The following MAP3K4 variants were observed in gnomAD, a reference collection of about 807,000 sequenced individuals.
The protein encoded by MAP3K4 is MAP three kinase 1.
A neutral mutation model predicts 185.6 loss-of-function variants in MAP3K4; 67 were observed. The observed-to-expected ratio is 0.36, with a 90% CI of 0.30 to 0.44. The LOEUF is 0.44. Ranked by LOEUF, MAP3K4 falls within the 20% of genes least tolerant of loss-of-function variation. The pLI is 1.00. For missense variants in MAP3K4, 1,551 were observed against 1,995.1 expected (o/e 0.78, Z 4.24); for synonymous variants, 702 against 710.4 (o/e 0.99, Z 0.19).
rs1392379680 is a variant in MAP3K4, at chr6:161,070,298, T to C, written c.1708-310T>C. On this transcript the variant is annotated intron_variant, in intron 3 of 26. Coordinates refer to ENST00000392142, the MANE Select transcript of MAP3K4 (RefSeq NM_005922.4). The surrounding 1 kb of genome is among the most constrained non-coding windows in gnomAD (Gnocchi z 4.5). ...TAACCTGAAAAATAAAGTGTTCTGA[T>C]CATTTTAAGTGTGAGGCAAAAATGT... is the stretch of plus-strand genomic sequence containing the variant. 6.6e-6 allele frequency among the ~76,000 whole-genome samples: 1 copy of C among 152,208 alleles called. No individual in the cohort carries two copies. Among genetic ancestry groups the C allele is most frequent in the African/African-American group, 2.4e-5 (1 of 41,450 alleles).
rs1267286772 is a variant in MAP3K4 at position 161,022,463 on chromosome 6, A to G, written c.153-11796A>G. Among the ~76,000 whole-genome samples the G allele has an allele frequency of 6.6e-6, 1 of 152,216 alleles. No individual in the cohort carries two copies. The highest frequency in any genetic ancestry group is 1.5e-5 in the Non-Finnish European group (1 of 68,034). ...GCTTCACCAAAGATGTGAGTCCTAG[A>G]GCGGACCAGAGAACTGGCTCTCTGA... On this transcript the variant is annotated intron_variant, in intron 1 of 26. Coordinates refer to ENST00000392142, the MANE Select transcript of MAP3K4 (RefSeq NM_005922.4). The surrounding 1 kb of genome is among the most constrained non-coding windows in gnomAD (Gnocchi z 4.2).
At chr6:161,025,403 C>T (rs1238813711) in intron 1 of MAP3K4, among the ~76,000 whole-genome samples, 1 of 152,222 alleles carries the variant, frequency 6.6e-6, no homozygotes, top group South Asian at 2.1e-4. Flanking sequence ...TTTGCCTTCC[C>T]TACTCTAGTG....
At position 161,053,886 on chromosome 6, in the gene MAP3K4, G is replaced by A. The variant is rs753360157; in HGVS notation, c.1707+3907G>A. 1.6e-4 allele frequency among the ~76,000 whole-genome samples: 25 copies of A among 152,204 alleles called. No individual in the cohort carries two copies. The highest frequency in any genetic ancestry group is 5.9e-4 in the Admixed American group (9 of 15,284). On this transcript the variant is annotated intron_variant, in intron 3 of 26. Coordinates refer to ENST00000392142, the MANE Select transcript of MAP3K4 (RefSeq NM_005922.4). The surrounding 1 kb of genome is among the most constrained non-coding windows in gnomAD (Gnocchi z 4.2). ...TGGGATTACAGGCGTGAGCCACTGCGCCTGGCTAGTGTTTTTGTTCTTAAT... is the reference window on the plus strand; with the variant it reads ...TGGGATTACAGGCGTGAGCCACTGCACCTGGCTAGTGTTTTTGTTCTTAAT...
intron 1 of MAP3K4, among the ~76,000 whole-genome samples, chr6:161,027,251 A>G (rs1415449495): frequency 2.0e-5 from 3 of 152,252 alleles, no homozygotes; most frequent in Non-Finnish European, 4.4e-5. Context: ...ATTGAACTAT[A>G]TACTTAACAA....
chr6:161,011,144 A>G (rs1562479584), intron 1 of MAP3K4, among the ~76,000 whole-genome samples: 1 of 152,216 alleles, frequency 6.6e-6, no homozygotes, highest in Non-Finnish European at 1.5e-5. Context: ...TTCAAATGAC[A>G]TTCATTGTCC....
intron 1 of MAP3K4, among the ~76,000 whole-genome samples, chr6:161,023,992 A>T (rs1782523125): frequency 1.3e-5 from 2 of 152,116 alleles, no homozygotes; most frequent in Non-Finnish European, 2.9e-5. Context: ...TAAGAGACAG[A>T]GTCTCACTCA....
chr6:161,040,120 T>G lies in MAP3K4; in HGVS notation c.343+5671T>G, dbSNP rs554177272. ...CTCCTACCAACAATGTATGAATACC[T>G]CGTTTCTTTGTATTTTCTGTATTAG... is the stretch of plus-strand genomic sequence containing the variant. On this transcript the variant is annotated intron_variant, in intron 2 of 26. Transcript: ENST00000392142. Among the ~76,000 whole-genome samples, 3 of 152,308 alleles carry G rather than the reference T, an allele frequency of 2.0e-5. No homozygotes were observed. The East Asian group carries it at 5.8e-4, about 29-fold the overall frequency.
At position 161,077,185 on chromosome 6, in the gene MAP3K4, A is replaced by G. The variant is rs564143391; in HGVS notation, c.2097+3573A>G. On this transcript the variant is annotated intron_variant, in intron 5 of 26. Transcript: ENST00000392142. The surrounding 1 kb of genome is among the most constrained non-coding windows in gnomAD (Gnocchi z 4.3). ...AAGGAAATGTGCTCAGTTCATGATC[A>G]TTGTTGCCTCTGGGGAGGGAGGAAA... is the stretch of plus-strand genomic sequence containing the variant. 6.6e-6 allele frequency among the ~76,000 whole-genome samples: 1 copy of G among 152,350 alleles called. No homozygotes were observed. Among genetic ancestry groups the G allele is most frequent in the African/African-American group, 2.4e-5 (1 of 41,582 alleles).
At position 161,076,685 on chromosome 6, in the gene MAP3K4, A is replaced by G. The variant is rs1047523059; in HGVS notation, c.2097+3073A>G. Among the ~76,000 whole-genome samples, 5 of 152,214 alleles carry G rather than the reference A, an allele frequency of 3.3e-5. No homozygotes were observed. Among genetic ancestry groups the G allele is most frequent in the African/African-American group, 1.2e-4 (5 of 41,448 alleles). On this transcript the variant is annotated intron_variant, in intron 5 of 26. Transcript: ENST00000392142. The surrounding 1 kb of genome is among the most constrained non-coding windows in gnomAD (Gnocchi z 4.2). ...TGAAAATATGAAAATGATAGGCGAG[A>G]TGTGGTAGTTGTAGAAGAGACACAA... is the stretch of plus-strand genomic sequence containing the variant.
At position 161,101,829 on chromosome 6, in the gene MAP3K4, C is replaced by T. The variant is rs1777851393; in HGVS notation, c.3675-63C>T. The T allele has an allele frequency of 3.6e-6, 5 of 1,384,900 alleles. No homozygotes were observed. Among genetic ancestry groups the T allele is most frequent in the South Asian group, 1.2e-5 (1 of 82,978 alleles). The allele number at this position is 1,384,900 out of a possible 1,614,324, so 85.8% of individuals were successfully genotyped here. On this transcript the variant is annotated intron_variant, in intron 17 of 26. Transcript: ENST00000392142. This position sits in a 1 kb window ranked among gnomAD's most constrained non-coding sequence, Gnocchi z 5.1. Reference sequence around the variant, plus strand: ...GAGAATTATTGCTCTAGAAAAATCTCGCAGATCTTTCATTTTAAGTTCTAT... The same window carrying T: ...GAGAATTATTGCTCTAGAAAAATCTTGCAGATCTTTCATTTTAAGTTCTAT...
intron 1 of MAP3K4, among the ~76,000 whole-genome samples, chr6:161,016,156 T>C (rs1782096983): frequency 6.6e-6 from 1 of 152,224 alleles, no homozygotes; most frequent in Admixed American, 6.5e-5. Context: ...CAGGTGCTCA[T>C]TGACCATTTG....
intron 3 of MAP3K4, among the ~76,000 whole-genome samples, chr6:161,069,296 A>C (rs1044524005): frequency 6.6e-6 from 1 of 152,152 alleles, no homozygotes; most frequent in African/African-American, 2.4e-5. Context: ...GGTTTAGAGT[A>C]TTTTAGTGGC....
rs368008176 is a variant in MAP3K4, at chr6:161,049,107, G to C, written c.835G>C (p.Asp279His). Reference sequence around the variant, plus strand: ...CTGGCATGCAGGACGGACAATTAACGACCAGGACTTCTTTTTATATACAGC... The same window carrying C: ...CTGGCATGCAGGACGGACAATTAACCACCAGGACTTCTTTTTATATACAGC... The part of the protein sequence containing the change: ...QAWHAGRTIN[D>H]QDFFLYTARQ... The change falls in exon 3 of 27, where the codon GAC becomes CAC. Residue 279 changes from aspartate to histidine, a missense_variant. Asp to His is a moderately conservative substitution (Grantham distance 81). Around this residue, in one of 16 missense-constraint regions of MAP3K4, gnomAD observed 69 missense variants for 124.8 expected, o/e 0.55. Coordinates refer to ENST00000392142, the MANE Select transcript of MAP3K4 (RefSeq NM_005922.4). The surrounding 1 kb of genome is among the most constrained non-coding windows in gnomAD (Gnocchi z 8.4). 1 of 1,614,000 alleles carries C rather than the reference G, an allele frequency of 6.2e-7. No individual in the cohort carries two copies. Among genetic ancestry groups the C allele is most frequent in the Non-Finnish European group, 8.5e-7 (1 of 1,180,034 alleles).
chr6:161,116,034 C>T lies in MAP3K4; in HGVS notation c.4806+732C>T, dbSNP rs553235380. Among the ~76,000 whole-genome samples, 5 of 152,244 alleles carry T rather than the reference C, an allele frequency of 3.3e-5. No individual in the cohort carries two copies. Among genetic ancestry groups the T allele is most frequent in the African/African-American group, 7.2e-5 (3 of 41,538 alleles). Reference sequence around the variant, plus strand: ...ATACAGCCAAGGGGTTGGGAGAGGGCGTTCCGGGTGAGTGAACAGCGGCAT... The same window carrying T: ...ATACAGCCAAGGGGTTGGGAGAGGGTGTTCCGGGTGAGTGAACAGCGGCAT... On this transcript the variant is annotated intron_variant, in intron 26 of 26. Transcript: ENST00000392142. This position sits in a 1 kb window ranked among gnomAD's most constrained non-coding sequence, Gnocchi z 6.2.
rs775148292 is a variant in MAP3K4 at position 161,048,662 on chromosome 6, A to G, written c.390A>G (p.Lys130=). Residue 130 remains lysine (K), a synonymous_variant, in exon 3 of 27, where the codon AAA becomes AAG. Transcript: ENST00000392142. The surrounding 1 kb of genome is among the most constrained non-coding windows in gnomAD (Gnocchi z 4.7). ...PNQPPHKDTG[K]TVENVEEYSY... ...AGCCTCCACATAAAGACACTGGAAAAACAGTGGAGAATGTGGAAGAATACA... is the reference window on the plus strand; with the variant it reads ...AGCCTCCACATAAAGACACTGGAAAGACAGTGGAGAATGTGGAAGAATACA... 10 of 1,613,016 alleles carry G rather than the reference A, an allele frequency of 6.2e-6. No individual in the cohort carries two copies. The South Asian group carries it at 8.8e-5, about 14-fold the overall frequency.
chr6:161,024,519 C>G (rs11752188), intron 1 of MAP3K4, among the ~76,000 whole-genome samples: 5,818 of 152,276 alleles, frequency 0.038, 149 homozygotes, highest in South Asian at 0.069. Context: ...TCTCCTTAGC[C>G]TCGTTGGCTG....
Position 161,074,651 on chromosome 6 carries a change from C to T in MAP3K4, c.2097+1039C>T, listed in dbSNP as rs1309607482. 3.9e-5 allele frequency among the ~76,000 whole-genome samples: 6 copies of T among 152,252 alleles called. No homozygotes were observed. The highest frequency in any genetic ancestry group is 1.4e-4 in the African/African-American group (6 of 41,528). Reference sequence around the variant, plus strand: ...ATAGTATCTGATAGTGTTCATGTATCGTAAGTACACGTTAGATTCATTAGG... The same window carrying T: ...ATAGTATCTGATAGTGTTCATGTATTGTAAGTACACGTTAGATTCATTAGG... On this transcript the variant is annotated intron_variant, in intron 5 of 26. Coordinates refer to ENST00000392142, the MANE Select transcript of MAP3K4 (RefSeq NM_005922.4). This position sits in a 1 kb window ranked among gnomAD's most constrained non-coding sequence, Gnocchi z 5.0.
Position 161,112,923 on chromosome 6 carries a change from A to G in MAP3K4, c.4626+149A>G, listed in dbSNP as rs1359380602. The stretch of plus-strand genomic sequence containing the variant: ...ATACAAAAATCTGATCCATCAAAAG[A>G]TTAAGACAAATGACAAACCAGGAAA... On this transcript the variant is annotated intron_variant, in intron 25 of 26. Coordinates refer to ENST00000392142, the MANE Select transcript of MAP3K4 (RefSeq NM_005922.4). The surrounding 1 kb of genome is among the most constrained non-coding windows in gnomAD (Gnocchi z 5.1). 2.2e-6 allele frequency: 1 copy of G among 451,894 alleles called. No individual in the cohort carries two copies. The highest frequency in any genetic ancestry group is 2.0e-5 in the African/African-American group (1 of 49,874). 28.0% of individuals were successfully genotyped at this position (451,894 alleles called of 1,614,324 possible).
At position 161,091,584 on chromosome 6, in the gene MAP3K4, C is replaced by G; in HGVS notation, c.3135+44C>G. 6.4e-7 allele frequency: 1 copy of G among 1,553,268 alleles called. No homozygotes were observed. The highest frequency in any genetic ancestry group is 8.7e-7 in the Non-Finnish European group (1 of 1,144,320). On this transcript the variant is annotated intron_variant, in intron 12 of 26. Transcript: ENST00000392142. This position sits in a 1 kb window ranked among gnomAD's most constrained non-coding sequence, Gnocchi z 5.5. ...GAAACACGGTACAATTTAGTAATTG[C>G]TTGATAACTTACAGAAAGTTTTTGG...
Sources: gnomAD v4.1 joint callset for allele counts (sites outside exome capture counted in the v4.1 genomes callset) on GRCh38, gnomAD v4.1.1 for gene constraint, gnomAD v4.1.1 regional missense constraint, Gnocchi (gnomAD v3.1) non-coding constraint, MANE v1.5 for transcripts, NCBI Gene and HGNC (gene_info 2026-07-23, HGNC 2026-07-21) for gene names.